TENT5B: variants seen among roughly 807,000 people sequenced by gnomAD.
TENT5B encodes the protein terminal nucleotidyltransferase 5B, also known as family with sequence similarity 46 member B.
In TENT5B, 12 loss-of-function variants were observed where a neutral mutation model predicts 21.7. The ratio of observed to expected loss-of-function variants is 0.55; its 90% CI spans 0.36 to 0.90. TENT5B has a LOEUF of 0.90. Among genes scored for constraint, TENT5B ranks in the 40% least tolerant of loss-of-function variants. The probability of loss-of-function intolerance (pLI) is 0.01; values close to 1 mark genes in which losing one functional copy is unlikely to be tolerated. For synonymous variants in TENT5B, 262 were observed against 266.6 expected (o/e 0.98, Z 0.17); for missense variants, 540 against 601.5 (o/e 0.90, Z 1.07).
chr1:27,012,587 C>G lies in TENT5B; in HGVS notation c.84G>C (p.Thr28=), dbSNP rs764397161. Reference sequence around the variant, plus strand: ...CGGGGCCGCCGCCTGCCGGGGCTGCCGTGGCCACCGCCGTGGCCGCAGCCG... The same window carrying G: ...CGGGGCCGCCGCCTGCCGGGGCTGCGGTGGCCACCGCCGTGGCCGCAGCCG... ...VGTAAATAVA[T]AAPAGGGPDP... Residue 28 remains threonine, a synonymous_variant, in exon 1 of 2, where the codon ACG becomes ACC. Coordinates refer to ENST00000289166, the MANE Select transcript of TENT5B (RefSeq NM_052943.4). 2.6e-6 allele frequency: 4 copies of G among 1,535,078 alleles called. No individual in the cohort carries two copies. Among genetic ancestry groups the G allele is most frequent in the East Asian group, 2.4e-5 (1 of 40,988 alleles).
chr1:27,009,376 T>TG (rs1339972608), intron 1 of TENT5B, among the ~76,000 whole-genome samples: 1 of 152,206 alleles, frequency 6.6e-6, no homozygotes, highest in Non-Finnish European at 1.5e-5. Context: ...AAGCCTATCC[T>TG]GTTTCTACCA....
In TENT5B at chr1:27,006,747, C is replaced by T. The variant is rs1192380067; in HGVS notation, c.475G>A (p.Val159Met). The part of the protein sequence containing the change: ...ACLLDFLPAG[V>M]SRAKITPLTL... ...AGTGGCGTGATCTTGGCCCGGCTCA[C>T]ACCGGCCGGCAGGAAGTCTAGTAGG... The change falls in exon 2 of 2, where the codon GTG becomes ATG. Residue 159 changes from valine to methionine, a missense_variant. By Grantham distance (21) the Val-to-Met change is conservative (BLOSUM62 1). Transcript: ENST00000289166. This position sits in a 1 kb window ranked among gnomAD's most constrained non-coding sequence, Gnocchi z 9.4. 6 of 1,613,954 alleles carry T rather than the reference C, an allele frequency of 3.7e-6. No homozygotes were observed. The highest frequency in any genetic ancestry group is 5.1e-6 in the Non-Finnish European group (6 of 1,179,984).
In TENT5B at chr1:27,012,846, C is replaced by T. The variant is rs1420267103; in HGVS notation, c.-176G>A. ...GACGGCGACGACTAACCGACCCTAG[C>T]GCCTGCAGCCCGCGGCCCAGCGGAC... On this transcript the variant is annotated 5_prime_UTR_variant, in exon 1 of 2. Transcript: ENST00000289166. 10 of 838,382 alleles carry T rather than the reference C, an allele frequency of 1.2e-5. No homozygotes were observed. Among genetic ancestry groups the T allele is most frequent in the East Asian group, 3.3e-5 (1 of 30,574 alleles). The allele number at this position is 838,382 out of a possible 1,614,324, so 51.9% of individuals were successfully genotyped here.
In TENT5B at chr1:27,012,472, G is replaced by A. The variant is rs1156621524; in HGVS notation, c.199C>T (p.Pro67Ser). The change falls in exon 1 of 2, where the codon CCG (proline) becomes TCG (serine). Residue 67 changes from proline to serine, a missense_variant. Coordinates refer to ENST00000289166, the MANE Select transcript of TENT5B (RefSeq NM_052943.4). ...VKRLDALLSE[P>S]IPIHGRGNFP... ...TTGCCGCGCCCGTGAATGGGAATCGGCTCGCTCAGAAGAGCGTCCAGTCGC... is the reference window on the plus strand; with the variant it reads ...TTGCCGCGCCCGTGAATGGGAATCGACTCGCTCAGAAGAGCGTCCAGTCGC... 1 of 1,611,444 alleles carries A rather than the reference G, an allele frequency of 6.2e-7. No individual in the cohort carries two copies. Among genetic ancestry groups the A allele is most frequent in the Admixed American group, 1.7e-5 (1 of 59,890 alleles).
rs775260260 is a variant in TENT5B, at chr1:27,006,903, G to A, written c.319C>T (p.His107Tyr). The A allele has an allele frequency of 6.2e-7, 1 of 1,613,054 alleles. No homozygotes were observed. Among genetic ancestry groups the A allele is most frequent in the Non-Finnish European group, 8.5e-7 (1 of 1,179,606 alleles). The change falls in exon 2 of 2, where the codon CAT becomes TAT. Residue 107 changes from histidine (H) to tyrosine (Y), a missense_variant. Transcript: ENST00000289166. The surrounding 1 kb of genome is among the most constrained non-coding windows in gnomAD (Gnocchi z 9.4). ...QGLHVHSVRLHGSAASHVLHP... is the reference protein window; with the variant it reads ...QGLHVHSVRLYGSAASHVLHP... ...AGCACGTGGCTGGCAGCTGAACCATGCAGCCGCACACTGTGCACATGTAGT... is the reference window on the plus strand; with the variant it reads ...AGCACGTGGCTGGCAGCTGAACCATACAGCCGCACACTGTGCACATGTAGT...
chr1:27,006,927 G>C lies in TENT5B; in HGVS notation c.295C>G (p.Leu99Val), dbSNP rs1570782242. 20 of 1,601,630 alleles carry C rather than the reference G, an allele frequency of 1.2e-5. No homozygotes were observed. Among genetic ancestry groups the C allele is most frequent in the African/African-American group, 2.7e-5 (2 of 74,732 alleles). The stretch of plus-strand genomic sequence containing the variant: ...TGCAGCCGCACACTGTGCACATGTA[G>C]TCCCTGCTCCTCCAGGGTGCTGCGG... ...VVRSTLEEQG[L>V]HVHSVRLHGS... The change falls in exon 2 of 2, where the codon CTA becomes GTA. Residue 99 changes from leucine to valine, a missense_variant. Transcript: ENST00000289166. The surrounding 1 kb of genome is among the most constrained non-coding windows in gnomAD (Gnocchi z 9.4).
chr1:27,012,201 C>G (rs544169838), intron 1 of TENT5B, among the ~76,000 whole-genome samples: 1 of 152,168 alleles, frequency 6.6e-6, no homozygotes, highest in African/African-American at 2.4e-5. Context: ...CTCCAAGAGT[C>G]GAGATGGAAA....
At chr1:27,009,143 AT>A (rs1223994725) in intron 1 of TENT5B, among the ~76,000 whole-genome samples, 1 of 150,880 alleles carries the variant, frequency 6.6e-6, no homozygotes, top group Non-Finnish European at 1.5e-5. Context: ...GCAATTTTTT[AT>A]TGTTTACAGT....
chr1:27,006,081 C>T lies in TENT5B; in HGVS notation c.1141G>A (p.Gly381Ser), dbSNP rs750923692. ...GCCAGGGCGGCAGTGGCAGCTGGGCCCTGCTCAGCCAGTGCCTGCAGCGCC... is the reference window on the plus strand; with the variant it reads ...GCCAGGGCGGCAGTGGCAGCTGGGCTCTGCTCAGCCAGTGCCTGCAGCGCC... Reference protein sequence around the residue: ...ALALQALAEQGPAATAALAWR... With the variant: ...ALALQALAEQSPAATAALAWR... Residue 381 changes from glycine to serine, a missense_variant, in exon 2 of 2, where the codon GGC (glycine) becomes AGC (serine). By Grantham distance (56) the Gly-to-Ser change is moderately conservative. Coordinates refer to ENST00000289166, the MANE Select transcript of TENT5B (RefSeq NM_052943.4). This position sits in a 1 kb window ranked among gnomAD's most constrained non-coding sequence, Gnocchi z 9.4. The T allele has an allele frequency of 3.7e-6, 6 of 1,610,526 alleles. No homozygotes were observed. In the Admixed American group the frequency reaches 1.0e-4, roughly 27 times the overall value.
rs1030612130 is a variant in TENT5B at position 27,012,634 on chromosome 1, G to C, written c.37C>G (p.Arg13Gly). The change falls in exon 1 of 2, where the codon CGG (arginine) becomes GGG (glycine). Residue 13 changes from arginine (R) to glycine (G), a missense_variant. Physicochemically the swap from Arg to Gly is moderately radical, Grantham distance 125 (BLOSUM62 -2). Transcript: ENST00000289166. ...PSESGAERRD[R>G]AAAQVGTAAA... The stretch of plus-strand genomic sequence containing the variant: ...GCCGTCCCCACCTGAGCAGCCGCCC[G>C]GTCCCTGCGCTCAGCTCCGCTCTCC... 4 of 1,511,272 alleles carry C rather than the reference G, an allele frequency of 2.6e-6. No individual in the cohort carries two copies. In the African/African-American group the frequency reaches 5.7e-5, roughly 22 times the overall value. 93.6% of individuals were successfully genotyped at this position (1,511,272 alleles called of 1,614,324 possible).
In TENT5B at chr1:27,008,977, CTTTTTTTTTTTTTTTTTTTT is replaced by C. The variant is rs58360969; in HGVS notation, c.265-2040_265-2021del. Among the ~76,000 whole-genome samples, 4 of 31,006 alleles carry C rather than the reference CTTTTTTTTTTTTTTTTTTTT, an allele frequency of 1.3e-4. 1 individual carries two copies. The highest frequency in any genetic ancestry group is 1.6e-4 in the Non-Finnish European group (3 of 18,584). 20.3% of individuals were successfully genotyped at this position (31,006 alleles called of 152,430 possible). Reference sequence around the variant, plus strand: ...CTCTACCTTCCTTTCCTCCATCCTTCTTTTTTTTTTTTTTTTTTTTTTTTTTTTTTTGAGAGAGTCCTGAT... The same window carrying C: ...CTCTACCTTCCTTTCCTCCATCCTTCTTTTTTTTTTTGAGAGAGTCCTGAT... On this transcript the variant is annotated intron_variant, in intron 1 of 1. Transcript: ENST00000289166.
rs769445450 is a variant in TENT5B, at chr1:27,012,558, G to A, written c.113C>T (p.Pro38Leu). 1.9e-6 allele frequency: 3 copies of A among 1,577,718 alleles called. No individual in the cohort carries two copies. The highest frequency in any genetic ancestry group is 2.6e-6 in the Non-Finnish European group (3 of 1,168,580). Residue 38 changes from proline to leucine, a missense_variant, in exon 1 of 2, where the codon CCG (proline) becomes CTG (leucine). Coordinates refer to ENST00000289166, the MANE Select transcript of TENT5B (RefSeq NM_052943.4). The stretch of plus-strand genomic sequence containing the variant: ...TCCGGGGAAGGCCGATAAGGCCTCC[G>A]GGTCGGGGCCGCCGCCTGCCGGGGC... Reference protein sequence around the residue: ...TAAPAGGGPDPEALSAFPGRH... With the variant: ...TAAPAGGGPDLEALSAFPGRH...
Position 27,012,471 on chromosome 1 carries a change from G to T in TENT5B, c.200C>A (p.Pro67Gln). ...VKRLDALLSE[P>Q]IPIHGRGNFP... ...GTTGCCGCGCCCGTGAATGGGAATC[G>T]GCTCGCTCAGAAGAGCGTCCAGTCG... The change falls in exon 1 of 2, where the codon CCG (proline) becomes CAG (glutamine). Residue 67 changes from proline (P) to glutamine (Q), a missense_variant. Coordinates refer to ENST00000289166, the MANE Select transcript of TENT5B (RefSeq NM_052943.4). 1 of 1,611,492 alleles carries T rather than the reference G, an allele frequency of 6.2e-7. No homozygotes were observed. Among genetic ancestry groups the T allele is most frequent in the Non-Finnish European group, 8.5e-7 (1 of 1,179,612 alleles).
chr1:27,006,005 T>C lies in TENT5B; in HGVS notation c.1217A>G (p.Tyr406Cys), dbSNP rs779463252. The change falls in exon 2 of 2, where the codon TAC becomes TGC. Residue 406 changes from tyrosine to cysteine, a missense_variant. By Grantham distance (194) the Tyr-to-Cys change is radical (BLOSUM62 -2). Transcript: ENST00000289166. This position sits in a 1 kb window ranked among gnomAD's most constrained non-coding sequence, Gnocchi z 9.4. ...DGVVPATVNY[Y>C]VTPVQPLLAH... ...CAGGAGAGGTTGCACGGGGGTCACG[T>C]AGTAATTGACAGTGGCTGGCACAAC... 2 of 1,605,490 alleles carry C rather than the reference T, an allele frequency of 1.2e-6. No homozygotes were observed. The highest frequency in any genetic ancestry group is 1.7e-5 in the Admixed American group (1 of 59,420).
intron 1 of TENT5B, 45 bp downstream of exon 1, chr1:27,012,362 C>T (rs2082628078): frequency 6.3e-7 from 1 of 1,589,722 alleles, no homozygotes; most frequent in Non-Finnish European, 8.5e-7. Flanking sequence ...GCCACGAGAG[C>T]CTCAGAAGGG....
At chr1:27,009,363 G>A (rs1448503416) in intron 1 of TENT5B, among the ~76,000 whole-genome samples, 1 of 152,168 alleles carries the variant, frequency 6.6e-6, no homozygotes, top group South Asian at 2.1e-4. Flanking sequence ...ATGGCCAACA[G>A]CAAAGCCTAT....
At chr1:27,008,302 C>G (rs2082609824) in intron 1 of TENT5B, among the ~76,000 whole-genome samples, 1 of 152,218 alleles carries the variant, frequency 6.6e-6, no homozygotes, top group East Asian at 1.9e-4. Context: ...CAGCACCCAG[C>G]TCCAGACCAG....
intron 1 of TENT5B, among the ~76,000 whole-genome samples, chr1:27,011,352 C>A (rs1035887169): frequency 6.6e-6 from 1 of 152,184 alleles, no homozygotes; most frequent in Non-Finnish European, 1.5e-5. Context: ...TTGGCAGGAA[C>A]GCACAGGAGT....
In TENT5B at chr1:27,006,831, G is replaced by T. The variant is rs61786529; in HGVS notation, c.391C>A (p.Arg131=). Residue 131 remains arginine (R), a synonymous_variant, in exon 2 of 2, where the codon CGG becomes AGG. Coordinates refer to ENST00000289166, the MANE Select transcript of TENT5B (RefSeq NM_052943.4). The surrounding 1 kb of genome is among the most constrained non-coding windows in gnomAD (Gnocchi z 9.4). The part of the protein sequence containing the change: ...LGYKDLDLVF[R]VDLRSEASFQ... ...GATGCCTCACTGCGCAGGTCCACCCGGAACACCAGGTCCAGATCCTTGTAG... is the reference window on the plus strand; with the variant it reads ...GATGCCTCACTGCGCAGGTCCACCCTGAACACCAGGTCCAGATCCTTGTAG... 1 of 1,614,028 alleles carries T rather than the reference G, an allele frequency of 6.2e-7. No individual in the cohort carries two copies. Among genetic ancestry groups the T allele is most frequent in the African/African-American group, 1.3e-5 (1 of 75,030 alleles).
Sources: allele counts gnomAD v4.1 joint callset (sites outside exome capture counted in the v4.1 genomes callset), GRCh38; gene constraint gnomAD v4.1.1; non-coding constraint Gnocchi (gnomAD v3.1); transcripts MANE v1.5; gene names NCBI Gene and HGNC (gene_info 2026-07-23, HGNC 2026-07-21).